Variants in TNFAIP2 observed in about 807,000 individuals in gnomAD.
The protein encoded by TNFAIP2 is TNF alpha induced protein 2, also known as tumor necrosis factor alpha-induced protein 2.
Under a neutral mutation model 63.5 loss-of-function variants are expected in TNFAIP2, and 47 were observed. The ratio of observed to expected loss-of-function variants is 0.74; its 90% CI spans 0.59 to 0.94. TNFAIP2 has a LOEUF of 0.94. Ranked by LOEUF, TNFAIP2 falls within the 40% of genes least tolerant of loss-of-function variation. The pLI is 0.00. For synonymous variants in TNFAIP2, 405 were observed against 390.2 expected (o/e 1.04, Z -0.45); for missense variants, 787 against 850.2 (o/e 0.93, Z 0.92).
At position 103,135,411 on chromosome 14, in the gene TNFAIP2, A is replaced by T. The variant is rs2088074724; in HGVS notation, c.*51A>T. 6.4e-6 allele frequency: 10 copies of T among 1,555,404 alleles called. No homozygotes were observed. The highest frequency in any genetic ancestry group is 8.7e-6 in the Non-Finnish European group (10 of 1,152,918). On this transcript the variant is annotated 3_prime_UTR_variant, in exon 12 of 12. Coordinates refer to ENST00000560869, the MANE Select transcript of TNFAIP2 (RefSeq NM_006291.4). This position sits in a 1 kb window ranked among gnomAD's most constrained non-coding sequence, Gnocchi z 7.6. ...TGAGTGCCCAGCAAGCCTTGGGCAC[A>T]CCCCGCTGGGAGCTGTTAAGAGCAG...
chr14:103,127,492 C>A lies in TNFAIP2; in HGVS notation c.723C>A (p.Ala241=). ...VVERLKPLFP[A]EFGVVAAYAE... The stretch of plus-strand genomic sequence containing the variant: ...AGCGGCTGAAGCCGCTGTTCCCCGC[C>A]GAGTTCGGCGTCGTGGCGGCCTACG... Residue 241 remains alanine, a synonymous_variant, in exon 3 of 12, where the codon GCC becomes GCA. Coordinates refer to ENST00000560869, the MANE Select transcript of TNFAIP2 (RefSeq NM_006291.4). This position sits in a 1 kb window ranked among gnomAD's most constrained non-coding sequence, Gnocchi z 5.1. The A allele has an allele frequency of 6.3e-7, 1 of 1,590,190 alleles. No individual in the cohort carries two copies.
At chr14:103,129,512 G>T (rs868720719) in intron 3 of TNFAIP2, among the ~76,000 whole-genome samples, 5 of 150,714 alleles carry the variant, frequency 3.3e-5, no homozygotes, top group Admixed American at 1.3e-4. Context: ...AATGGGGGGG[G>T]GGTGGTGAGA....
rs959018044 is a variant in TNFAIP2 at position 103,133,739 on chromosome 14, C to T, written c.1759C>T (p.Leu587=). 2.5e-6 allele frequency: 4 copies of T among 1,597,486 alleles called. No homozygotes were observed. Among genetic ancestry groups the T allele is most frequent in the Non-Finnish European group, 3.4e-6 (4 of 1,176,814 alleles). The part of the protein sequence containing the change: ...ALPTLAEIIR[L]QDPSAIKIEV... Reference sequence around the variant, plus strand: ...CCCTACGCTGGCCGAGATCATTCGCCTGCAGGACCCCAGTGCCATCAAGAT... The same window carrying T: ...CCCTACGCTGGCCGAGATCATTCGCTTGCAGGACCCCAGTGCCATCAAGAT... Residue 587 remains leucine, a synonymous_variant, in exon 11 of 12, where the codon CTG becomes TTG. Transcript: ENST00000560869.
chr14:103,130,302 C>T lies in TNFAIP2; in HGVS notation c.1099-13C>T. On this transcript the variant is annotated splice_polypyrimidine_tract_variant and intron_variant, in intron 5 of 11. Coordinates refer to ENST00000560869, the MANE Select transcript of TNFAIP2 (RefSeq NM_006291.4). ...GCGAGCCCCTGCTCAGCTCACCCACCACCACCCTGCAGATCACCTCCCAGG... is the reference window on the plus strand; with the variant it reads ...GCGAGCCCCTGCTCAGCTCACCCACTACCACCCTGCAGATCACCTCCCAGG... 3 of 1,550,000 alleles carry T rather than the reference C, an allele frequency of 1.9e-6. No individual in the cohort carries two copies. Among genetic ancestry groups the T allele is most frequent in the Non-Finnish European group, 2.6e-6 (3 of 1,145,976 alleles).
rs1273863610 is a variant in TNFAIP2, at chr14:103,131,735, G to T, written c.1395G>T (p.Leu465=). ...GELKSHGFDT[L]LQNLHEDLKP... ...TCAAGAGCCACGGCTTTGACACCCT[G>T]CTCCAGAACCTGCATGAGGACCTGA... Residue 465 remains leucine, a synonymous_variant, in exon 8 of 12, where the codon CTG becomes CTT. Coordinates refer to ENST00000560869, the MANE Select transcript of TNFAIP2 (RefSeq NM_006291.4). The surrounding 1 kb of genome is among the most constrained non-coding windows in gnomAD (Gnocchi z 4.0). 4 of 1,612,118 alleles carry T rather than the reference G, an allele frequency of 2.5e-6. No individual in the cohort carries two copies. Among genetic ancestry groups the T allele is most frequent in the Non-Finnish European group, 3.4e-6 (4 of 1,179,778 alleles).
chr14:103,123,045 G>C, upstream of TNFAIP2: 2 of 261,322 alleles, frequency 7.7e-6, no homozygotes, highest in Middle Eastern at 1.6e-3. Context: ...TCAGAGGGGC[G>C]GCTGGGGAGT....
In TNFAIP2 at chr14:103,126,316, G is replaced by T; in HGVS notation, c.-142G>T. On this transcript the variant is annotated 5_prime_UTR_variant, in exon 2 of 12. Transcript: ENST00000560869. ...CTTCACCCCCACCCCGCAGGAGCCT[G>T]CAGGCCTGAACCAGGGTGATGCTGA... 2 of 640,470 alleles carry T rather than the reference G, an allele frequency of 3.1e-6. No homozygotes were observed. Among genetic ancestry groups the T allele is most frequent in the Non-Finnish European group, 5.5e-6 (2 of 366,844 alleles). The allele number at this position is 640,470 out of a possible 1,614,324, so 39.7% of individuals were successfully genotyped here. A position where few individuals can be genotyped will look rare whatever the true frequency, so the allele number is the denominator to read the frequency against.
Position 103,127,309 on chromosome 14 carries a change from C to T in TNFAIP2, c.540C>T (p.Ala180=). Residue 180 remains alanine, a synonymous_variant, in exon 3 of 12, where the codon GCC becomes GCT. Transcript: ENST00000560869. The surrounding 1 kb of genome is among the most constrained non-coding windows in gnomAD (Gnocchi z 5.1). ...GGCCGGGGACCTCGGGGCTGGCGGC[C>T]ACGCGCCCGCGGCGCTGGCTGCAGC... is the stretch of plus-strand genomic sequence containing the variant. The part of the protein sequence containing the change: ...AAGPGTSGLA[A]TRPRRWLQLW... 1.0e-6 allele frequency: 1 copy of T among 990,634 alleles called. No homozygotes were observed. Among genetic ancestry groups the T allele is most frequent in the Non-Finnish European group, 1.2e-6 (1 of 835,118 alleles). The allele number at this position is 990,634 out of a possible 1,614,324, so 61.4% of individuals were successfully genotyped here.
At chr14:103,133,315 C>G (rs759325103) in intron 9 of TNFAIP2, 47 bp from the exon 10 acceptor site, 1 of 1,595,664 alleles carries the variant, frequency 6.3e-7, no homozygotes, top group Middle Eastern at 2.1e-4. Flanking sequence ...GTGGCGAGCT[C>G]CCCATCAGCA....
Position 103,127,775 on chromosome 14 carries a change from C to G in TNFAIP2, c.860+146C>G. 1.1e-6 allele frequency: 1 copy of G among 922,068 alleles called. No individual in the cohort carries two copies. Among genetic ancestry groups the G allele is most frequent in the South Asian group, 2.2e-5 (1 of 44,462 alleles). The allele number at this position is 922,068 out of a possible 1,614,324, so 57.1% of individuals were successfully genotyped here. On this transcript the variant is annotated intron_variant, in intron 3 of 11. Coordinates refer to ENST00000560869, the MANE Select transcript of TNFAIP2 (RefSeq NM_006291.4). The surrounding 1 kb of genome is among the most constrained non-coding windows in gnomAD (Gnocchi z 5.1). ...TGGGTCCGAGAATGCAGGGGTGGGA[C>G]TTGGACTCCCTGGGGCAGAGCCTGG... is the stretch of plus-strand genomic sequence containing the variant.
At position 103,127,086 on chromosome 14, in the gene TNFAIP2, C is replaced by T; in HGVS notation, c.317C>T (p.Ala106Val). The T allele has an allele frequency of 3.6e-6, 4 of 1,103,220 alleles. No homozygotes were observed. Among genetic ancestry groups the T allele is most frequent in the East Asian group, 5.3e-5 (1 of 18,774 alleles). 68.3% of individuals were successfully genotyped at this position (1,103,220 alleles called of 1,614,324 possible). A position where few individuals can be genotyped will look rare whatever the true frequency, so the allele number is the denominator to read the frequency against. The change falls in exon 3 of 12, where the codon GCG becomes GTG. Residue 106 changes from alanine to valine, a missense_variant. Ala to Val is a moderately conservative substitution (Grantham distance 64). Transcript: ENST00000560869. The surrounding 1 kb of genome is among the most constrained non-coding windows in gnomAD (Gnocchi z 5.1). Reference protein sequence around the residue: ...PLLALERELAAAAAAGGVSEE... With the variant: ...PLLALERELAVAAAAGGVSEE... ...CTGGCGCTGGAGCGGGAGCTGGCGG[C>T]GGCGGCGGCGGCGGGCGGTGTGAGC...
In TNFAIP2 at chr14:103,127,663, G is replaced by A. The variant is rs925012927; in HGVS notation, c.860+34G>A. 7 of 1,437,986 alleles carry A rather than the reference G, an allele frequency of 4.9e-6. No individual in the cohort carries two copies. Among genetic ancestry groups the A allele is most frequent in the Middle Eastern group, 1.8e-4 (1 of 5,456 alleles). The allele number at this position is 1,437,986 out of a possible 1,614,324, so 89.1% of individuals were successfully genotyped here. On this transcript the variant is annotated intron_variant, in intron 3 of 11. Transcript: ENST00000560869. The surrounding 1 kb of genome is among the most constrained non-coding windows in gnomAD (Gnocchi z 5.1). ...ACCAGGGGCTGGGCCCGGGCCGGCA[G>A]GGAGGGTGTCCTCTGTAGGAGGGGT...
intron 11 of TNFAIP2, 75 bp downstream of exon 11, chr14:103,133,878 C>T (rs923640592): frequency 1.3e-6 from 2 of 1,504,692 alleles, no homozygotes; most frequent in Non-Finnish European, 1.8e-6. Flanking sequence ...CATTGGGAAC[C>T]CAGATCCTGG....
Position 103,135,292 on chromosome 14 carries a change from A to G in TNFAIP2, c.1897A>G (p.Ile633Val), listed in dbSNP as rs1231599497. Reference sequence around the variant, plus strand: ...CAGTGAGGTCAAGCGCATCCGGAGCATCTTGGACGTCAGCATGGGGGCGCA... The same window carrying G: ...CAGTGAGGTCAAGCGCATCCGGAGCGTCTTGGACGTCAGCATGGGGGCGCA... The part of the protein sequence containing the change: ...SNSEVKRIRS[I>V]LDVSMGAQEP... Residue 633 changes from isoleucine (I) to valine (V), a missense_variant, in exon 12 of 12, where the codon ATC (isoleucine) becomes GTC (valine). Physicochemically the swap from Ile to Val is conservative, Grantham distance 29. Transcript: ENST00000560869. This position sits in a 1 kb window ranked among gnomAD's most constrained non-coding sequence, Gnocchi z 7.6. 3 of 1,613,986 alleles carry G rather than the reference A, an allele frequency of 1.9e-6. No homozygotes were observed. The highest frequency in any genetic ancestry group is 2.2e-5 in the East Asian group (1 of 44,894).
intron 1 of TNFAIP2, among the ~76,000 whole-genome samples, chr14:103,125,806 G>C (rs910626512): frequency 1.3e-5 from 2 of 152,212 alleles, no homozygotes; most frequent in Non-Finnish European, 1.5e-5. Context: ...CAGAGGGGCT[G>C]GGTCTGGGCA....
At position 103,127,217 on chromosome 14, in the gene TNFAIP2, CGGCTGCGCCAGGCGCTGG is replaced by C; in HGVS notation, c.449_466del (p.Arg150_Ala156delinsPro). ...GCGGCCGCTGGAGGCGCCGCCCGAG[CGGCTGCGCCAGGCGCTGG>C]CCGTGGTGGCGGAGCAGGAGCGCGA... On this transcript the variant is annotated inframe_deletion, in exon 3 of 12. Coordinates refer to ENST00000560869, the MANE Select transcript of TNFAIP2 (RefSeq NM_006291.4). The surrounding 1 kb of genome is among the most constrained non-coding windows in gnomAD (Gnocchi z 5.1). 9.1e-7 allele frequency: 1 copy of C among 1,103,330 alleles called. No individual in the cohort carries two copies. The highest frequency in any genetic ancestry group is 1.1e-6 in the Non-Finnish European group (1 of 902,186). The allele number at this position is 1,103,330 out of a possible 1,614,324, so 68.3% of individuals were successfully genotyped here.
At position 103,126,658 on chromosome 14, in the gene TNFAIP2, G is replaced by A. The variant is rs770295452; in HGVS notation, c.201G>A (p.Gly67=). ...CAGCGGAGCCCGAGGACGCAGCCGG[G>A]TCCAGGCAGGGGCTGGATGGCCCGC... ...PSSAEPEDAA[G]SRQGLDGPPP... is the part of the protein sequence containing the mutation. Residue 67 remains glycine, a synonymous_variant, in exon 2 of 12, where the codon GGG becomes GGA. Coordinates refer to ENST00000560869, the MANE Select transcript of TNFAIP2 (RefSeq NM_006291.4). The A allele has an allele frequency of 3.9e-6, 6 of 1,556,444 alleles. No individual in the cohort carries two copies. The highest frequency in any genetic ancestry group is 5.2e-6 in the Non-Finnish European group (6 of 1,149,812).
At chr14:103,125,450 G>T (rs2087833486) in intron 1 of TNFAIP2, among the ~76,000 whole-genome samples, 2 of 152,192 alleles carry the variant, frequency 1.3e-5, no homozygotes, top group Non-Finnish European at 1.5e-5. Context: ...ATTGACTATA[G>T]GGACAGTTTA....
intron 9 of TNFAIP2, 30 bp downstream of exon 9, chr14:103,132,902 C>A: frequency 6.2e-7 from 1 of 1,612,100 alleles, no homozygotes; most frequent in Non-Finnish European, 8.5e-7. Context: ...GTGGCTGGGT[C>A]TTGGGGAGTT....
Sources: allele counts gnomAD v4.1 joint callset (sites outside exome capture counted in the v4.1 genomes callset), GRCh38; gene constraint gnomAD v4.1.1; non-coding constraint Gnocchi (gnomAD v3.1); transcripts MANE v1.5; gene names NCBI Gene and HGNC (gene_info 2026-07-23, HGNC 2026-07-21).